The following DNAH11 variants were observed in gnomAD, a reference collection of about 807,000 sequenced individuals.
DNAH11 encodes dynein axonemal heavy chain 11.
DNAH11 carries 442 observed loss-of-function variants against 526.0 expected under a neutral mutation model. The ratio of observed to expected loss-of-function variants is 0.84; its 90% confidence interval spans 0.78 to 0.91. The LOEUF is 0.91. DNAH11 is among the 40% of genes least tolerant of loss of function. The pLI, the probability that DNAH11 is intolerant of heterozygous loss-of-function variation, is 0.00. For missense variants in DNAH11, 6,989 were observed against 5,448.7 expected (o/e 1.28, Z -8.90); for synonymous variants, 2,461 against 1,935.9 (o/e 1.27, Z -7.12).
chr7:21,857,285 A>G (rs1361328078), intron 68 of DNAH11, among the ~76,000 whole-genome samples: 4 of 152,178 alleles, frequency 2.6e-5, no homozygotes, highest in African/African-American at 9.7e-5. Context: ...TTGTATTCTA[A>G]AAACTCCAAA....
At chr7:21,758,934 G>A (rs959404998) in intron 54 of DNAH11, among the ~76,000 whole-genome samples, 9 of 152,200 alleles carry the variant, frequency 5.9e-5, no homozygotes, top group African/African-American at 2.2e-4. Context: ...CTCTAACAGA[G>A]CAGCGCTGAT....
At chr7:21,664,326 G>C (rs1469629737) in intron 30 of DNAH11, among the ~76,000 whole-genome samples, 1 of 151,678 alleles carries the variant, frequency 6.6e-6, no homozygotes, top group African/African-American at 2.4e-5. Flanking sequence ...ATTTTTAAAG[G>C]TTATCTTTAT....
intron 66 of DNAH11, among the ~76,000 whole-genome samples, chr7:21,843,848 A>T (rs931706657): frequency 1.3e-5 from 2 of 152,232 alleles, no homozygotes; most frequent in African/African-American, 4.8e-5. Flanking sequence ...AAAAGAATTT[A>T]TGTGCTAACC....
At chr7:21,789,808 T>TCTTTTTTCTTTCTTTCTTTCTTTCTTTC in intron 61 of DNAH11, among the ~76,000 whole-genome samples, 35 of 34,120 alleles carry the variant, frequency 1.0e-3, no homozygotes, top group East Asian at 5.6e-3. Flanking sequence ...TTTCTTTCTT[T>TCTTTTTTCTTTCTTTCTTTCTTTCTTTC]TTTCTTTCTT....
intron 73 of DNAH11, among the ~76,000 whole-genome samples, chr7:21,872,584 TA>T (rs2128038266): frequency 6.6e-6 from 1 of 152,336 alleles, no homozygotes; most frequent in South Asian, 2.1e-4. Flanking sequence ...TACCAAGCTA[TA>T]ACCTGTAGGT....
Position 21,866,826 on chromosome 7 carries a change from A to G in DNAH11, c.11690+163A>G, listed in dbSNP as rs1035889473. Among the ~76,000 whole-genome samples, 4 of 152,174 alleles carry G rather than the reference A, an allele frequency of 2.6e-5. No homozygotes were observed. In the South Asian group the frequency reaches 8.3e-4, roughly 32 times the overall value. On this transcript the variant is annotated intron_variant, in intron 71 of 81. Coordinates refer to ENST00000409508, the MANE Select transcript of DNAH11 (RefSeq NM_001277115.2). ...ATCACTGCTACTGTTAAAATTTGCT[A>G]AACACTAAACCATGTGCTAGGCAGA... is the stretch of plus-strand genomic sequence containing the variant.
intron 35 of DNAH11, among the ~76,000 whole-genome samples, chr7:21,694,646 G>A (rs1480168123): frequency 1.3e-5 from 2 of 152,126 alleles, no homozygotes; most frequent in Admixed American, 6.5e-5. Context: ...TGTAAATAGT[G>A]CTGCATTAAA....
At chr7:21,729,370 A>C (rs1353547510) in intron 45 of DNAH11, among the ~76,000 whole-genome samples, 2 of 152,194 alleles carry the variant, frequency 1.3e-5, no homozygotes, top group African/African-American at 4.8e-5. Flanking sequence ...TAATTTCTTT[A>C]TGGAGTCGTT....
chr7:21,571,949 T>C lies in DNAH11; in HGVS notation c.1569T>C (p.Tyr523=), dbSNP rs778543485. Residue 523 remains tyrosine, a synonymous_variant, in exon 8 of 82, where the codon TAT becomes TAC. Transcript: ENST00000409508. ...GTAAACTTTTTAAACAGAGCACTTATGACCCATCTGATTGCACTAACATGG... is the reference window on the plus strand; with the variant it reads ...GTAAACTTTTTAAACAGAGCACTTACGACCCATCTGATTGCACTAACATGG... ...ELCKLFKQST[Y]DPSDCTNMEF... 2.5e-6 allele frequency: 4 copies of C among 1,584,600 alleles called. No homozygotes were observed. Among genetic ancestry groups the C allele is most frequent in the African/African-American group, 1.4e-5 (1 of 73,650 alleles).
chr7:21,683,980 C>T (rs1197899176), intron 32 of DNAH11, 36 bp downstream of exon 32: 20 of 1,603,552 alleles, frequency 1.2e-5, no homozygotes, highest in East Asian at 2.2e-5. Context: ...ATAGGAAAAA[C>T]AACCCAAAAA....
chr7:21,756,452 C>T (rs939572243), intron 54 of DNAH11, among the ~76,000 whole-genome samples: 2 of 151,986 alleles, frequency 1.3e-5, no homozygotes, highest in African/African-American at 4.8e-5. Context: ...ATAGTATATT[C>T]TGGAATCTAG....
At chr7:21,674,503 A>G (rs12700294) in intron 30 of DNAH11, among the ~76,000 whole-genome samples, 54,998 of 152,056 alleles carry the variant, frequency 0.36, 11,544 homozygotes, top group Non-Finnish European at 0.47. Flanking sequence ...TGGGGTTACA[A>G]GTGTGCACCA....
In DNAH11 at chr7:21,780,426, A is replaced by G. The variant is rs151167185; in HGVS notation, c.9483+1322A>G. Reference sequence around the variant, plus strand: ...ACAAAGCGTGTTATTCCATTGAGCAATTAGGTATCACACATGATACAGTCA... The same window carrying G: ...ACAAAGCGTGTTATTCCATTGAGCAGTTAGGTATCACACATGATACAGTCA... On this transcript the variant is annotated intron_variant, in intron 57 of 81. Transcript: ENST00000409508. Among the ~76,000 whole-genome samples the G allele has an allele frequency of 3.4e-3, 525 of 152,312 alleles. 4 individuals carry two copies. Among genetic ancestry groups the G allele is most frequent in the Middle Eastern group, 0.017 (5 of 294 alleles).
intron 39 of DNAH11, 27 bp from the exon 40 acceptor site, chr7:21,707,672 T>C (rs770751938): frequency 1.2e-6 from 2 of 1,600,206 alleles, no homozygotes; most frequent in South Asian, 1.1e-5. Context: ...GTATTAATTT[T>C]TTTGGCTCTT....
intron 65 of DNAH11, among the ~76,000 whole-genome samples, chr7:21,824,275 A>T (rs955179904): frequency 1.3e-5 from 2 of 152,196 alleles, no homozygotes; most frequent in African/African-American, 4.8e-5. Context: ...TGCCATTCAG[A>T]TTATTGCCAA....
chr7:21,706,732 C>G (rs1017901117), intron 39 of DNAH11, among the ~76,000 whole-genome samples: 7 of 152,166 alleles, frequency 4.6e-5, no homozygotes, highest in African/African-American at 1.7e-4. Context: ...AACACTGCAG[C>G]TCAGGGTGAC....
chr7:21,891,707 G>T (rs1414633787), intron 76 of DNAH11, among the ~76,000 whole-genome samples: 1 of 152,094 alleles, frequency 6.6e-6, no homozygotes, highest in Non-Finnish European at 1.5e-5. Context: ...GCTTTCTCCA[G>T]CCTTTCACTC....
intron 55 of DNAH11, among the ~76,000 whole-genome samples, chr7:21,769,214 G>C (rs1285554152): frequency 6.6e-6 from 1 of 152,172 alleles, no homozygotes; most frequent in East Asian, 1.9e-4. Context: ...GATGGCTGAG[G>C]AAAGACACAA....
chr7:21,704,591 A>G lies in DNAH11; in HGVS notation c.6431A>G (p.Glu2144Gly). 6.2e-7 allele frequency: 1 copy of G among 1,610,910 alleles called. No individual in the cohort carries two copies. The highest frequency in any genetic ancestry group is 1.1e-5 in the South Asian group (1 of 90,066). Residue 2144 changes from glutamate to glycine, a missense_variant, in exon 38 of 82, where the codon GAG becomes GGG. Transcript: ENST00000409508. Reference protein sequence around the residue: ...FEQMVRQSTLELRLQPEESFI... With the variant: ...FEQMVRQSTLGLRLQPEESFI... ...CAGATGGTCAGGCAGTCTACCCTGG[A>G]GCTCCGCCTGCAGCCTGAAGAGAGC...
Sources: gnomAD v4.1 joint callset for allele counts (sites outside exome capture counted in the v4.1 genomes callset) on GRCh38, gnomAD v4.1.1 for gene constraint, MANE v1.5 for transcripts, NCBI Gene and HGNC (gene_info 2026-07-23, HGNC 2026-07-21) for gene names.